Variants in EVL observed in about 807,000 individuals in gnomAD.
EVL encodes Enah/Vasp-like.
In EVL, 21 loss-of-function variants were observed where a neutral mutation model predicts 59.6. The observed-to-expected ratio is 0.35, with a 90% CI of 0.25 to 0.51. The LOEUF is 0.51. EVL is among the 20% of genes least tolerant of loss of function. The pLI is 0.97. For missense variants in EVL, 462 were observed against 546.6 expected (o/e 0.85, Z 1.54); for synonymous variants, 198 against 203.5 (o/e 0.97, Z 0.23).
chr14:99,981,305 G>A (rs755428188), intron 1 of EVL, among the ~76,000 whole-genome samples: 8 of 151,990 alleles, frequency 5.3e-5, no homozygotes, highest in East Asian at 1.9e-4. Context: ...GGTGGCGGGC[G>A]CCTGTAATCC....
intron 1 of EVL, among the ~76,000 whole-genome samples, chr14:100,014,330 A>T (rs1035996315): frequency 2.0e-5 from 3 of 152,176 alleles, no homozygotes; most frequent in African/African-American, 2.4e-5. Context: ...CATTCTTCTC[A>T]CAAGTTCAAT....
chr14:100,028,478 T>A (rs2061256775), intron 1 of EVL, among the ~76,000 whole-genome samples: 1 of 152,174 alleles, frequency 6.6e-6, no homozygotes, highest in African/African-American at 2.4e-5. Context: ...GGGAAGCAGA[T>A]AATTTAGTTG....
In EVL at chr14:100,026,842, G is replaced by A. The variant is rs2061222172; in HGVS notation, c.5+54785G>A. 3.3e-5 allele frequency among the ~76,000 whole-genome samples: 5 copies of A among 152,324 alleles called. No individual in the cohort carries two copies. The South Asian group carries it at 1.0e-3, about 32-fold the overall frequency. ...AATACTTTGAATTAAGTAAGTCACA[G>A]TCCCTAACTGTGGGAGCTATGATCC... On this transcript the variant is annotated intron_variant, in intron 1 of 13. Transcript: ENST00000402714.
intron 2 of EVL, among the ~76,000 whole-genome samples, chr14:100,087,765 C>CCTGCTCTGCT (rs61264203): frequency 0.074 from 11,263 of 151,900 alleles, 677 homozygotes; most frequent in East Asian, 0.17. Flanking sequence ...AGACTGCAGT[C>CCTGCTCTGCT]CTGCTCTGCT....
chr14:100,063,503 C>G (rs72711916), upstream of EVL, among the ~76,000 whole-genome samples: 1 of 152,006 alleles, frequency 6.6e-6, no homozygotes, highest in East Asian at 1.9e-4. Context: ...TTACAGCAGC[C>G]GCAGAAAACC....
rs555636548 is a variant in EVL, at chr14:100,138,537, A to G, written c.1094+735A>G. 2.6e-5 allele frequency: 4 copies of G among 153,008 alleles called. No individual in the cohort carries two copies. The South Asian group carries it at 8.3e-4, about 32-fold the overall frequency. The allele number at this position is 153,008 out of a possible 1,614,324, so 9.5% of individuals were successfully genotyped here. A position where few individuals can be genotyped will look rare whatever the true frequency, so the allele number is the denominator to read the frequency against. ...AAATTGAAGGGAAACCACCCTTATC[A>G]CAGAGCAGGAGGCATTGAAACTGGC... On this transcript the variant is annotated intron_variant, in intron 11 of 13. Transcript: ENST00000392920.
At chr14:99,984,992 G>T (rs988835311) in intron 1 of EVL, among the ~76,000 whole-genome samples, 15 of 151,956 alleles carry the variant, frequency 9.9e-5, no homozygotes, top group Non-Finnish European at 2.2e-4. Context: ...TCTGTTCCAG[G>T]ATCCCATTCA....
chr14:100,126,817 G>C, intron 5 of EVL, 46 bp downstream of exon 5: 3 of 1,585,194 alleles, frequency 1.9e-6, no homozygotes, highest in Non-Finnish European at 2.6e-6. Context: ...CTGCTGCCAG[G>C]TGGCAGCCCC....
In EVL at chr14:100,015,933, G is replaced by A. The variant is rs557681694; in HGVS notation, c.5+43876G>A. 5.3e-5 allele frequency among the ~76,000 whole-genome samples: 8 copies of A among 151,996 alleles called. No homozygotes were observed. In the South Asian group the frequency reaches 1.2e-3, roughly 24 times the overall value. Reference sequence around the variant, plus strand: ...TAAAAATAAAATAAAATAAAAATTAGCCAGGCCTGGTGGTGCATGCCTGTA... The same window carrying A: ...TAAAAATAAAATAAAATAAAAATTAACCAGGCCTGGTGGTGCATGCCTGTA... On this transcript the variant is annotated intron_variant, in intron 1 of 13. Transcript: ENST00000402714.
At chr14:100,029,613 G>A (rs1453372091) in intron 1 of EVL, among the ~76,000 whole-genome samples, 3 of 152,188 alleles carry the variant, frequency 2.0e-5, no homozygotes, top group South Asian at 2.1e-4. Context: ...CCGGGAGGTG[G>A]ACACAGTTTT....
At chr14:100,093,953 T>C (rs74750573) in intron 2 of EVL, among the ~76,000 whole-genome samples, 1,615 of 152,352 alleles carry the variant, frequency 0.011, 38 homozygotes, top group African/African-American at 0.037. Context: ...TTATTAGTTA[T>C]TGTTGTTAAT....
At chr14:100,024,113 C>T (rs2061172025) in intron 1 of EVL, among the ~76,000 whole-genome samples, 1 of 152,142 alleles carries the variant, frequency 6.6e-6, no homozygotes, top group Non-Finnish European at 1.5e-5. Context: ...TTGTTAGTCA[C>T]GTGAAAATGG....
intron 1 of EVL, among the ~76,000 whole-genome samples, chr14:100,034,038 C>T (rs533774841): frequency 6.6e-6 from 1 of 151,258 alleles, no homozygotes; most frequent in East Asian, 1.9e-4. Context: ...CCAGCCTGGG[C>T]AACATGGCAA....
At chr14:100,003,441 A>G (rs1367200992) in intron 1 of EVL, among the ~76,000 whole-genome samples, 2 of 152,132 alleles carry the variant, frequency 1.3e-5, no homozygotes, top group Non-Finnish European at 2.9e-5. Flanking sequence ...TTTGAGACAG[A>G]GGTTTGCTCT....
At chr14:100,099,991 A>T (rs1389539905) in intron 3 of EVL, among the ~76,000 whole-genome samples, 21 of 113,542 alleles carry the variant, frequency 1.8e-4, no homozygotes, top group Non-Finnish European at 3.3e-4. Flanking sequence ...GTACATGCAG[A>T]TACCTTGGGG....
chr14:100,027,353 T>C (rs2061231385), intron 1 of EVL, among the ~76,000 whole-genome samples: 1 of 152,232 alleles, frequency 6.6e-6, no homozygotes, highest in Non-Finnish European at 1.5e-5. Context: ...TTATTCCTTC[T>C]ATCAAACTGT....
rs1243010944 is a variant in EVL at position 100,031,309 on chromosome 14, G to A, written c.6-53378G>A. On this transcript the variant is annotated intron_variant, in intron 1 of 13. Transcript: ENST00000402714. The stretch of plus-strand genomic sequence containing the variant: ...ATGTACACACCTCGTTGGAGTTCAC[G>A]GGAAGAACCTGAGCTTGGGAACCTG... Among the ~76,000 whole-genome samples, 3 of 152,168 alleles carry A rather than the reference G, an allele frequency of 2.0e-5. No individual in the cohort carries two copies. In the East Asian group the frequency reaches 5.8e-4, roughly 29 times the overall value.
chr14:100,072,892 C>T (rs558906463), intron 1 of EVL, among the ~76,000 whole-genome samples: 36 of 152,206 alleles, frequency 2.4e-4, no homozygotes, highest in African/African-American at 7.2e-4. Context: ...CCTTACTGCA[C>T]GGCGGAGCGT....
At chr14:100,113,384 A>G (rs1317881438) in intron 3 of EVL, among the ~76,000 whole-genome samples, 1 of 152,188 alleles carries the variant, frequency 6.6e-6, no homozygotes, top group Non-Finnish European at 1.5e-5. Flanking sequence ...CTTCAAGTCT[A>G]TATGCTCAGA....
Sources: allele counts gnomAD v4.1 joint callset (sites outside exome capture counted in the v4.1 genomes callset), GRCh38; gene constraint gnomAD v4.1.1; transcripts MANE v1.5; gene names NCBI Gene and HGNC (gene_info 2026-07-23, HGNC 2026-07-21).